Variants in HSD17B4 observed in about 807,000 individuals in gnomAD.
HSD17B4 encodes hydroxysteroid 17-beta dehydrogenase 4, also known as peroxisomal multifunctional enzyme type 2.
A neutral mutation model predicts 101.0 loss-of-function variants in HSD17B4; 70 were observed. The ratio of observed to expected loss-of-function variants is 0.69; its 90% CI spans 0.57 to 0.85. The LOEUF is 0.85. HSD17B4 is among the 40% of genes least tolerant of loss of function. The probability of loss-of-function intolerance (pLI) is 0.00; values close to 1 mark genes in which losing one functional copy is unlikely to be tolerated. For synonymous variants in HSD17B4, 347 were observed against 297.1 expected (o/e 1.17, Z -1.73); for missense variants, 984 against 892.4 (o/e 1.10, Z -1.31).
At chr5:119,466,770 G>T (rs1755853917) in intron 2 of HSD17B4, among the ~76,000 whole-genome samples, 1 of 151,618 alleles carries the variant, frequency 6.6e-6, no homozygotes, top group South Asian at 2.1e-4. Flanking sequence ...TAATTTTTTA[G>T]TCTCAATTTT....
intron 17 of HSD17B4, 147 bp from the exon 18 acceptor site, chr5:119,525,068 AT>A: frequency 1.7e-6 from 1 of 605,436 alleles, no homozygotes; most frequent in African/African-American, 1.9e-5. Flanking sequence ...GGTAATCTTT[AT>A]TGTTAAAAAT....
At chr5:119,460,638 T>C (rs1048598600) in intron 2 of HSD17B4, among the ~76,000 whole-genome samples, 1 of 152,232 alleles carries the variant, frequency 6.6e-6, no homozygotes, top group African/African-American at 2.4e-5. Flanking sequence ...AACATGTATT[T>C]ATTAAGCGTC....
At chr5:119,501,101 TG>T (rs1295708979) in intron 13 of HSD17B4, among the ~76,000 whole-genome samples, 1 of 152,142 alleles carries the variant, frequency 6.6e-6, no homozygotes, top group Non-Finnish European at 1.5e-5. Flanking sequence ...CACACTCCCA[TG>T]GTTAGTTACT....
intron 2 of HSD17B4, among the ~76,000 whole-genome samples, chr5:119,473,250 C>G (rs1183129471): frequency 1.4e-4 from 4 of 29,516 alleles, no homozygotes; most frequent in Non-Finnish European, 3.3e-4. Context: ...TTTTTCTTTT[C>G]TTTTGCTGAA....
Position 119,529,961 on chromosome 5 carries a change from CAGCTA to C in HSD17B4, c.1838_1842del (p.Ala613AspfsTer4), listed in dbSNP as rs1247252166. The C allele has an allele frequency of 6.2e-7, 1 of 1,601,912 alleles. No individual in the cohort carries two copies. Among genetic ancestry groups the C allele is most frequent in the East Asian group, 2.2e-5 (1 of 44,754 alleles). ...GATCTTGCACCAACATCTGGTACTT[CAGCTA>C]AGACACCCTCTGAGGTAGGTTATAA... On this transcript the variant is annotated frameshift_variant, in exon 21 of 24. Coordinates refer to ENST00000510025, the MANE Select transcript of HSD17B4 (RefSeq NM_000414.4). LOFTEE classifies it high-confidence loss of function.
intron 20 of HSD17B4, among the ~76,000 whole-genome samples, chr5:119,529,145 T>C (rs1398700290): frequency 3.9e-5 from 6 of 152,194 alleles, no homozygotes; most frequent in Non-Finnish European, 8.8e-5. Context: ...GAGAATGATC[T>C]TCTTGATTGT....
At chr5:119,485,237 C>T (rs538777405) in intron 8 of HSD17B4, among the ~76,000 whole-genome samples, 21 of 152,098 alleles carry the variant, frequency 1.4e-4, no homozygotes, top group African/African-American at 3.9e-4. Flanking sequence ...TTTGGGAAGC[C>T]GTACGTTTTC....
At chr5:119,512,406 T>C (rs1349295229) in intron 16 of HSD17B4, among the ~76,000 whole-genome samples, 1 of 152,092 alleles carries the variant, frequency 6.6e-6, no homozygotes, top group African/African-American at 2.4e-5. Flanking sequence ...AGTAAAAGTG[T>C]TGAAAGCCAG....
At chr5:119,514,728 C>T (rs546155612) in intron 16 of HSD17B4, among the ~76,000 whole-genome samples, 9 of 152,160 alleles carry the variant, frequency 5.9e-5, no homozygotes, top group African/African-American at 1.4e-4. Flanking sequence ...CCATTGTGGC[C>T]TGGAGGATTT....
intron 16 of HSD17B4, among the ~76,000 whole-genome samples, chr5:119,509,762 G>A (rs1042745573): frequency 6.6e-6 from 1 of 152,148 alleles, no homozygotes; most frequent in African/African-American, 2.4e-5. Flanking sequence ...TTGGATAGAC[G>A]ATGCAGCAAA....
intron 2 of HSD17B4, among the ~76,000 whole-genome samples, chr5:119,458,508 ATTTTTTTTTTT>A (rs35423756): frequency 7.3e-6 from 1 of 136,300 alleles, no homozygotes. Context: ...AGCCTGGCTA[ATTTTTTTTTTT>A]TTTTTTTTAA....
intron 2 of HSD17B4, among the ~76,000 whole-genome samples, chr5:119,460,831 A>G (rs1755155173): frequency 7.4e-6 from 1 of 135,208 alleles, no homozygotes; most frequent in African/African-American, 2.8e-5. Flanking sequence ...AATGGAACAG[A>G]AAATGCTTTA....
At chr5:119,521,490 G>T (rs1423496994) in intron 17 of HSD17B4, among the ~76,000 whole-genome samples, 1 of 151,636 alleles carries the variant, frequency 6.6e-6, no homozygotes, top group Non-Finnish European at 1.5e-5. Context: ...TTCTTTCTTT[G>T]GGTATCCATT....
intron 11 of HSD17B4, among the ~76,000 whole-genome samples, chr5:119,494,296 AT>A (rs1750393458): frequency 6.6e-6 from 1 of 150,616 alleles, no homozygotes; most frequent in African/African-American, 2.4e-5. Context: ...ATCTTACCAT[AT>A]TTTTCTCTTT....
chr5:119,506,039 T>G (rs1338106311), intron 14 of HSD17B4, among the ~76,000 whole-genome samples: 1 of 152,224 alleles, frequency 6.6e-6, no homozygotes, highest in Non-Finnish European at 1.5e-5. Context: ...TATTATACTT[T>G]AAGTTCTGGG....
Position 119,493,865 on chromosome 5 carries a change from C to G in HSD17B4, c.787C>G (p.Pro263Ala). The G allele has an allele frequency of 6.2e-7, 1 of 1,612,788 alleles. No individual in the cohort carries two copies. Among genetic ancestry groups the G allele is most frequent in the Non-Finnish European group, 8.5e-7 (1 of 1,179,024 alleles). ...LGAIVRQKNH[P>A]MTPEAVKANW... ...AGCTATTGTAAGACAAAAGAATCAC[C>G]CAATGACTCCTGAGGCAGTCAAGGC... The change falls in exon 11 of 24, where the codon CCA becomes GCA. Residue 263 changes from proline to alanine, a missense_variant. Physicochemically the swap from Pro to Ala is conservative, Grantham distance 27. Transcript: ENST00000510025.
In HSD17B4 at chr5:119,452,623, C is replaced by G. The variant is rs781356187; in HGVS notation, c.48C>G (p.Gly16=). Residue 16 remains glycine (G), a synonymous_variant, in exon 1 of 24, where the codon GGC becomes GGG. Coordinates refer to ENST00000510025, the MANE Select transcript of HSD17B4 (RefSeq NM_000414.4). ...ACGGGCGGGTGGTACTGGTCACCGG[C>G]GCGGGGGCAGGTGAGCATGCGAAGG... The part of the protein sequence containing the change: ...RFDGRVVLVT[G]AGAGLGRAYA... 1 of 1,613,868 alleles carries G rather than the reference C, an allele frequency of 6.2e-7. No individual in the cohort carries two copies. Among genetic ancestry groups the G allele is most frequent in the Admixed American group, 1.7e-5 (1 of 60,024 alleles).
intron 16 of HSD17B4, among the ~76,000 whole-genome samples, chr5:119,511,180 G>A (rs528966877): frequency 3.8e-4 from 58 of 152,322 alleles, no homozygotes; most frequent in Middle Eastern, 3.4e-3. Context: ...GAGGAAGGCT[G>A]TAATAACACA....
intron 2 of HSD17B4, among the ~76,000 whole-genome samples, chr5:119,466,490 GT>G (rs1255210333): frequency 2.6e-5 from 4 of 152,180 alleles, no homozygotes; most frequent in Admixed American, 1.3e-4. Flanking sequence ...CTTGTTCTTT[GT>G]TATTGACCTG....
Sources: gnomAD v4.1 joint callset for allele counts (sites outside exome capture counted in the v4.1 genomes callset) on GRCh38, gnomAD v4.1.1 for gene constraint, MANE v1.5 for transcripts, NCBI Gene and HGNC (gene_info 2026-07-23, HGNC 2026-07-21) for gene names.